Variants in IQGAP2 observed in about 807,000 individuals in gnomAD.
IQGAP2 encodes the protein IQ motif containing GTPase activating protein 2.
IQGAP2 carries 173 observed loss-of-function variants against 201.3 expected under a neutral mutation model. The observed-to-expected ratio is 0.86, with a 90% CI of 0.76 to 0.98. The LOEUF is 0.98. Among genes scored for constraint, IQGAP2 ranks in the 50% least tolerant of loss-of-function variants. The pLI is 0.00. For synonymous variants in IQGAP2, 675 were observed against 673.9 expected (o/e 1.00, Z -0.03); for missense variants, 1,687 against 1,864.8 (o/e 0.90, Z 1.76).
chr5:76,428,367 A>G (rs1463639828), intron 1 of IQGAP2, among the ~76,000 whole-genome samples: 1 of 151,930 alleles, frequency 6.6e-6, no homozygotes, highest in Non-Finnish European at 1.5e-5. Context: ...TAAATCTGGT[A>G]ATGCAAAGGA....
chr5:76,507,703 A>G (rs1000442573), intron 2 of IQGAP2, among the ~76,000 whole-genome samples: 3 of 152,226 alleles, frequency 2.0e-5, no homozygotes, highest in Non-Finnish European at 1.5e-5. Flanking sequence ...CAATAAGAAA[A>G]CAATCTGATT....
chr5:76,686,573 G>A (rs1321513471), intron 30 of IQGAP2, among the ~76,000 whole-genome samples: 1 of 152,098 alleles, frequency 6.6e-6, no homozygotes. Context: ...GCAGTGGCAT[G>A]ATCTCGGGTC....
At chr5:76,604,522 C>A (rs933845593) in intron 11 of IQGAP2, among the ~76,000 whole-genome samples, 11 of 151,982 alleles carry the variant, frequency 7.2e-5, no homozygotes, top group African/African-American at 2.7e-4. Flanking sequence ...CTTTTAAAAT[C>A]TTTTCCTTTA....
chr5:76,617,531 G>A (rs1317158672), intron 13 of IQGAP2: 2 of 1,441,238 alleles, frequency 1.4e-6, no homozygotes, highest in Non-Finnish European at 1.9e-6. Flanking sequence ...TGTTGTTCTT[G>A]AAAACAGACG....
chr5:76,701,275 G>A, intron 34 of IQGAP2, 62 bp downstream of exon 34: 1 of 1,539,530 alleles, frequency 6.5e-7, no homozygotes, highest in Non-Finnish European at 9.0e-7. Context: ...TGGCCTTGGA[G>A]AGAGCTCCAT....
At chr5:76,665,669 T>G (rs953900905) in intron 22 of IQGAP2, among the ~76,000 whole-genome samples, 2 of 152,196 alleles carry the variant, frequency 1.3e-5, no homozygotes, top group African/African-American at 4.8e-5. Context: ...CAAAATAATA[T>G]TTCTTTTTTC....
intron 1 of IQGAP2, among the ~76,000 whole-genome samples, chr5:76,408,076 G>A (rs1179949484): frequency 1.3e-5 from 2 of 152,074 alleles, no homozygotes; most frequent in Admixed American, 6.6e-5. Context: ...CAGGGGAATC[G>A]CTTGAACCCG....
chr5:76,627,541 G>A, intron 14 of IQGAP2, 41 bp downstream of exon 14: 1 of 1,120,122 alleles, frequency 8.9e-7, no homozygotes, highest in Non-Finnish European at 1.4e-6. Context: ...TTGCCTTTTT[G>A]GATTTGGTTA....
Position 76,417,974 on chromosome 5 carries a change from C to T in IQGAP2, c.46+14383C>T, listed in dbSNP as rs374674760. Among the ~76,000 whole-genome samples, 8 of 150,642 alleles carry T rather than the reference C, an allele frequency of 5.3e-5. No individual in the cohort carries two copies. The South Asian group carries it at 6.3e-4, about 12-fold the overall frequency. ...CTGTAATCCCAGCACTTTGGGAGGC[C>T]GAGGCAGGCAGATCATGAGGTCAGG... On this transcript the variant is annotated intron_variant, in intron 1 of 35. Coordinates refer to ENST00000274364, the MANE Select transcript of IQGAP2 (RefSeq NM_006633.5).
intron 2 of IQGAP2, among the ~76,000 whole-genome samples, chr5:76,515,590 T>C (rs1758264200): frequency 6.6e-6 from 1 of 152,176 alleles, no homozygotes; most frequent in Non-Finnish European, 1.5e-5. Context: ...GAGAAGGAGA[T>C]AAAGAAGTGC....
chr5:76,513,151 A>G (rs929871367), intron 2 of IQGAP2, among the ~76,000 whole-genome samples: 4 of 152,202 alleles, frequency 2.6e-5, no homozygotes, highest in African/African-American at 9.6e-5. Flanking sequence ...TAGAAGGCTT[A>G]CAGAGATCAT....
intron 1 of IQGAP2, among the ~76,000 whole-genome samples, chr5:76,424,744 C>T (rs1366146877): frequency 6.6e-6 from 1 of 152,238 alleles, no homozygotes; most frequent in African/African-American, 2.4e-5. Flanking sequence ...CCCACTGGCC[C>T]AGAGCTGGGC....
intron 8 of IQGAP2, among the ~76,000 whole-genome samples, 168 bp downstream of exon 8, chr5:76,590,754 G>C (rs1004200903): frequency 4.6e-5 from 7 of 152,054 alleles, no homozygotes; most frequent in Non-Finnish European, 1.0e-4. Context: ...CATACACTAG[G>C]TAAGGCAATT....
At position 76,461,622 on chromosome 5, in the gene IQGAP2, G is replaced by T; in HGVS notation, c.99G>T (p.Arg33=). 6.2e-7 allele frequency: 1 copy of T among 1,614,004 alleles called. No individual in the cohort carries two copies. Among genetic ancestry groups the T allele is most frequent in the South Asian group, 1.1e-5 (1 of 91,074 alleles). ...CAGAGGAGATGGATGAGAGGAGGCG[G>T]CAGAACATTGCTTATGAATATCTGT... ...LSAEEMDERR[R]QNIAYEYLCH... Residue 33 remains arginine, a synonymous_variant, in exon 2 of 36, where the codon CGG becomes CGT. Coordinates refer to ENST00000274364, the MANE Select transcript of IQGAP2 (RefSeq NM_006633.5).
intron 1 of IQGAP2, among the ~76,000 whole-genome samples, chr5:76,444,403 A>G (rs1753248343): frequency 6.6e-6 from 1 of 152,156 alleles, no homozygotes; most frequent in Non-Finnish European, 1.5e-5. Flanking sequence ...GATTCAAGTG[A>G]ATCTCCTGCC....
chr5:76,600,305 CTT>C (rs1747342043), intron 10 of IQGAP2, among the ~76,000 whole-genome samples: 1 of 152,142 alleles, frequency 6.6e-6, no homozygotes, highest in Admixed American at 6.5e-5. Context: ...GAAAATGTCA[CTT>C]TAACTTTTTT....
At chr5:76,411,431 G>T (rs1387282149) in intron 1 of IQGAP2, among the ~76,000 whole-genome samples, 1 of 152,202 alleles carries the variant, frequency 6.6e-6, no homozygotes, top group African/African-American at 2.4e-5. Flanking sequence ...TTTGGAAGGT[G>T]CTGTAGTTTG....
chr5:76,508,679 G>T (rs868085778), intron 2 of IQGAP2, among the ~76,000 whole-genome samples: 127 of 146,860 alleles, frequency 8.6e-4, no homozygotes, highest in Middle Eastern at 7.0e-3. Context: ...CCTGTCTCTG[G>T]TTTTTTTTTT....
At position 76,674,708 on chromosome 5, in the gene IQGAP2, A is replaced by G; in HGVS notation, c.3526A>G (p.Arg1176Gly). 6.3e-7 allele frequency: 1 copy of G among 1,597,662 alleles called. No homozygotes were observed. Among genetic ancestry groups the G allele is most frequent in the South Asian group, 1.1e-5 (1 of 90,684 alleles). The stretch of plus-strand genomic sequence containing the variant: ...TTTATCAGAGACGTATCAGGAATTC[A>G]GGTGAGAGGGGCCCTTAGTTTTGGA... ...NYLSETYQEF[R>G]KYFKEACNVP... The change falls in exon 27 of 36, where the codon AGG (arginine) becomes GGG (glycine). Residue 1176 changes from arginine (R) to glycine (G), a missense_variant and splice_region_variant. Physicochemically the swap from Arg to Gly is moderately radical, Grantham distance 125 (BLOSUM62 -2). Transcript: ENST00000274364.
Sources: allele counts gnomAD v4.1 joint callset (sites outside exome capture counted in the v4.1 genomes callset), GRCh38; gene constraint gnomAD v4.1.1; transcripts MANE v1.5; gene names NCBI Gene and HGNC (gene_info 2026-07-23, HGNC 2026-07-21).